PIK3AP1: variants seen among roughly 807,000 people sequenced by gnomAD.
The protein encoded by PIK3AP1 is phosphoinositide 3-kinase adapter protein 1.
In PIK3AP1, 21 loss-of-function variants were observed where a neutral mutation model predicts 88.1. The ratio of observed to expected loss-of-function variants is 0.24; its 90% CI spans 0.17 to 0.34. The LOEUF is 0.34. Among genes scored for constraint, PIK3AP1 ranks in the 10% least tolerant of loss-of-function variants. The pLI is 1.00. For synonymous variants in PIK3AP1, 398 were observed against 400.0 expected, an observed-to-expected ratio of 1.00 and a Z score of 0.06; for missense variants, 828 against 1,035.7, an observed-to-expected ratio of 0.80 and a Z score of 2.75.
At chr10:96,682,855 A>G (rs941093361) in intron 2 of PIK3AP1, among the ~76,000 whole-genome samples, 5 of 152,220 alleles carry the variant, frequency 3.3e-5, no homozygotes, top group African/African-American at 9.6e-5. Flanking sequence ...TTTCCTCTTC[A>G]ATTGCAAATC....
chr10:96,612,976 ATATATATTTTTTTTTTTT>A lies in PIK3AP1; in HGVS notation c.2015-3127_2015-3110del, dbSNP rs1381685487. The stretch of plus-strand genomic sequence containing the variant: ...TATATATATATATATATATATATAT[ATATATATTTTTTTTTTTT>A]TTTTTTTTTTTTTTTTTTTTTTGAG... On this transcript the variant is annotated intron_variant, in intron 13 of 16. Transcript: ENST00000339364. Among the ~76,000 whole-genome samples, 16 of 59,650 alleles carry A rather than the reference ATATATATTTTTTTTTTTT, an allele frequency of 2.7e-4. No homozygotes were observed. The East Asian group carries it at 3.0e-3, about 11-fold the overall frequency. The allele number at this position is 59,650 out of a possible 152,430, so 39.1% of individuals were successfully genotyped here. A position where few individuals can be genotyped will look rare whatever the true frequency, so the allele number is the denominator to read the frequency against.
chr10:96,651,259 T>C lies in PIK3AP1; in HGVS notation c.977A>G (p.Asp326Gly). The change falls in exon 6 of 17, where the codon GAT becomes GGT. Residue 326 changes from aspartate to glycine, a missense_variant. Transcript: ENST00000339364. Reference sequence around the variant, plus strand: ...GACTGTCAACTTACTTGTCATCATATCTTCTTCTTCCAGCTGGTTGATTCC... The same window carrying C: ...GACTGTCAACTTACTTGTCATCATACCTTCTTCTTCCAGCTGGTTGATTCC... Reference protein sequence around the residue: ...LFGINQLEEEDMMTNQRDEEL... With the variant: ...LFGINQLEEEGMMTNQRDEEL... 2.5e-6 allele frequency: 4 copies of C among 1,614,180 alleles called. No homozygotes were observed. Among genetic ancestry groups the C allele is most frequent in the Non-Finnish European group, 2.5e-6 (3 of 1,180,002 alleles).
At chr10:96,633,062 C>T (rs1169620297) in intron 8 of PIK3AP1, 1 of 1,589,642 alleles carries the variant, frequency 6.3e-7, no homozygotes, top group Non-Finnish European at 8.6e-7. Context: ...AACCTCATGT[C>T]CTACAAGAGC....
chr10:96,652,633 T>C lies in PIK3AP1; in HGVS notation c.712+65A>G, dbSNP rs1280141356. 9.6e-6 allele frequency: 15 copies of C among 1,562,496 alleles called. No homozygotes were observed. The South Asian group carries it at 1.2e-4, about 13-fold the overall frequency. On this transcript the variant is annotated intron_variant, in intron 4 of 16. Transcript: ENST00000339364. ...ATGATAATACCTGGCATTGGTGGCA[T>C]TGGTGACAGCATAGCAAATAAGCAA...
chr10:96,601,316 A>C lies in PIK3AP1; in HGVS notation c.2360+964T>G, dbSNP rs1254873556. On this transcript the variant is annotated intron_variant, in intron 16 of 16. Transcript: ENST00000339364. ...TGGCGAAACCCTGTCTCTACTAAAA[A>C]CACAAAAATTAGCCAGGCGTGGTGG... Among the ~76,000 whole-genome samples, 3 of 151,950 alleles carry C rather than the reference A, an allele frequency of 2.0e-5. No homozygotes were observed. The South Asian group carries it at 6.2e-4, about 32-fold the overall frequency.
intron 2 of PIK3AP1, among the ~76,000 whole-genome samples, chr10:96,674,048 G>T (rs763783510): frequency 2.0e-4 from 31 of 152,124 alleles, no homozygotes; most frequent in Non-Finnish European, 3.7e-4. Flanking sequence ...CTTGGTCAAG[G>T]CTGGGTGGAG....
chr10:96,673,988 A>G (rs1001151920), intron 2 of PIK3AP1, among the ~76,000 whole-genome samples: 1 of 152,180 alleles, frequency 6.6e-6, no homozygotes, highest in African/African-American at 2.4e-5. Context: ...CAGGAAGGGT[A>G]ACTTTCTGTT....
At chr10:96,708,293 G>A (rs1456009190) in intron 2 of PIK3AP1, among the ~76,000 whole-genome samples, 1 of 152,128 alleles carries the variant, frequency 6.6e-6, no homozygotes, top group Non-Finnish European at 1.5e-5. Context: ...AACAAAAAGA[G>A]GCTAGGCGTG....
chr10:96,703,882 AGAT>A (rs1844329925), intron 2 of PIK3AP1, among the ~76,000 whole-genome samples: 2 of 152,254 alleles, frequency 1.3e-5, no homozygotes, highest in South Asian at 4.1e-4. Flanking sequence ...ATCATTTTAC[AGAT>A]GAAGAACTTG....
chr10:96,643,093 C>T (rs1342614534), intron 8 of PIK3AP1, among the ~76,000 whole-genome samples: 1 of 152,074 alleles, frequency 6.6e-6, no homozygotes, highest in Admixed American at 6.6e-5. Context: ...CATCAGTAAC[C>T]GAAATGTACT....
chr10:96,645,430 T>C, intron 8 of PIK3AP1, 43 bp downstream of exon 8: 1 of 1,593,968 alleles, frequency 6.3e-7, no homozygotes, highest in Non-Finnish European at 8.5e-7. Flanking sequence ...AAAAGCTGTT[T>C]CTCAGCAGAA....
intron 2 of PIK3AP1, among the ~76,000 whole-genome samples, chr10:96,662,888 CAAAAAAAAAAA>C (rs749898725): frequency 0.028 from 641 of 22,568 alleles, 6 homozygotes; most frequent in Non-Finnish European, 0.04. Flanking sequence ...GACTCCGTCT[CAAAAAAAAAAA>C]AAAAAAAAAA....
chr10:96,686,381 ACT>A (rs1161651498), intron 2 of PIK3AP1, among the ~76,000 whole-genome samples: 1 of 152,102 alleles, frequency 6.6e-6, no homozygotes, highest in Non-Finnish European at 1.5e-5. Flanking sequence ...GGATTTACAC[ACT>A]CTAGCTCGGG....
chr10:96,711,403 T>C (rs571167415), intron 1 of PIK3AP1, among the ~76,000 whole-genome samples: 2 of 152,372 alleles, frequency 1.3e-5, no homozygotes, highest in African/African-American at 4.8e-5. Context: ...TTCAACAAAC[T>C]GTTCTGTGTG....
intron 11 of PIK3AP1, among the ~76,000 whole-genome samples, chr10:96,623,219 A>G (rs1843110786): frequency 6.6e-6 from 1 of 152,016 alleles, no homozygotes; most frequent in Non-Finnish European, 1.5e-5. Flanking sequence ...TTTAATTTTT[A>G]TCTAATTAAT....
At chr10:96,610,337 C>G (rs1849085689) in intron 13 of PIK3AP1, among the ~76,000 whole-genome samples, 1 of 152,158 alleles carries the variant, frequency 6.6e-6, no homozygotes, top group South Asian at 2.1e-4. Context: ...ATTTTTCATT[C>G]ATTTAACCCC....
chr10:96,703,407 T>C (rs1844323972), intron 2 of PIK3AP1, among the ~76,000 whole-genome samples: 1 of 152,042 alleles, frequency 6.6e-6, no homozygotes, highest in Non-Finnish European at 1.5e-5. Context: ...GCAGACAAGA[T>C]CTCCACTGTA....
chr10:96,674,657 G>A (rs1487154637), intron 2 of PIK3AP1, among the ~76,000 whole-genome samples: 1 of 152,206 alleles, frequency 6.6e-6, no homozygotes, highest in African/African-American at 2.4e-5. Flanking sequence ...AATGAGATAA[G>A]ACCAACCACC....
intron 11 of PIK3AP1, among the ~76,000 whole-genome samples, chr10:96,622,078 G>A (rs927522235): frequency 1.3e-5 from 2 of 152,216 alleles, no homozygotes; most frequent in Non-Finnish European, 2.9e-5. Context: ...CTGTCTCTAA[G>A]CAGCATGAGG....
Sources: gnomAD v4.1 joint callset for allele counts (sites outside exome capture counted in the v4.1 genomes callset) on GRCh38, gnomAD v4.1.1 for gene constraint, MANE v1.5 for transcripts, NCBI Gene and HGNC (gene_info 2026-07-23, HGNC 2026-07-21) for gene names.